The following CFAP54 variants were observed in gnomAD, a reference collection of about 807,000 sequenced individuals.
CFAP54 encodes the protein cilia- and flagella-associated protein 54.
A neutral mutation model predicts 370.4 loss-of-function variants in CFAP54; 290 were observed. The observed-to-expected ratio is 0.78, with a 90% CI of 0.71 to 0.86. The LOEUF (loss-of-function observed/expected upper bound fraction) is 0.86. Among genes scored for constraint, CFAP54 ranks in the 40% least tolerant of loss-of-function variants. The pLI is 0.00. For missense variants in CFAP54, 3,399 were observed against 3,528.7 expected (o/e 0.96, Z 0.93); for synonymous variants, 1,206 against 1,236.5 (o/e 0.98, Z 0.52).
intron 50 of CFAP54, among the ~76,000 whole-genome samples, chr12:96,726,598 C>G (rs1957841253): frequency 6.6e-6 from 1 of 151,642 alleles, no homozygotes; most frequent in African/African-American, 2.4e-5. Context: ...AGCAGTCTAT[C>G]AATTTTGTTG....
intron 29 of CFAP54, among the ~76,000 whole-genome samples, chr12:96,626,605 T>C (rs1956551906): frequency 6.6e-6 from 1 of 152,108 alleles, no homozygotes. Flanking sequence ...GAAAATAAAT[T>C]TAATATAGAC....
At chr12:96,698,657 A>G (rs368815171) in intron 45 of CFAP54, among the ~76,000 whole-genome samples, 27 of 152,152 alleles carry the variant, frequency 1.8e-4, no homozygotes, top group African/African-American at 5.8e-4. Context: ...GAAGGGAACA[A>G]TAGACGCCAG....
At position 96,592,624 on chromosome 12, in the gene CFAP54, T is replaced by C; in HGVS notation, c.3347T>C (p.Phe1116Ser). 3 of 1,176,036 alleles carry C rather than the reference T, an allele frequency of 2.6e-6. No individual in the cohort carries two copies. The highest frequency in any genetic ancestry group is 3.4e-6 in the Non-Finnish European group (3 of 881,888). 72.9% of individuals were successfully genotyped at this position (1,176,036 alleles called of 1,614,324 possible). A position where few individuals can be genotyped will look rare whatever the true frequency, so the allele number is the denominator to read the frequency against. The change falls in exon 24 of 68, where the codon TTC becomes TCC. Residue 1116 changes from phenylalanine (F) to serine (S), a missense_variant. Coordinates refer to ENST00000524981, the MANE Select transcript of CFAP54 (RefSeq NM_001306084.2). The part of the protein sequence containing the change: ...FCDNIKGNEI[F>S]PSQQIARLIE... Reference sequence around the variant, plus strand: ...GATAATATTAAAGGCAATGAGATTTTCCCATCTCAACAAGTAAGTGAATTA... The same window carrying C: ...GATAATATTAAAGGCAATGAGATTTCCCCATCTCAACAAGTAAGTGAATTA...
rs1437629455 is a variant in CFAP54, at chr12:96,860,650, G to A, written c.9172-169G>A. The stretch of plus-strand genomic sequence containing the variant: ...TGTTTAATAGGATGTAGAATGATAT[G>A]TGTGCCATTTCAGCAGTTTAGAGGT... On this transcript the variant is annotated intron_variant, in intron 66 of 67. Transcript: ENST00000524981. Among the ~76,000 whole-genome samples the A allele has an allele frequency of 2.6e-5, 4 of 152,198 alleles. No homozygotes were observed. The East Asian group carries it at 7.7e-4, about 29-fold the overall frequency.
At chr12:96,720,671 C>A in intron 50 of CFAP54, 106 bp downstream of exon 50, 1 of 897,784 alleles carries the variant, frequency 1.1e-6, no homozygotes, top group Non-Finnish European at 1.5e-6. Flanking sequence ...ATTCCTATAT[C>A]CATAGTATGC....
At chr12:96,745,130 A>C (rs1958099177) in intron 55 of CFAP54, among the ~76,000 whole-genome samples, 1 of 152,266 alleles carries the variant, frequency 6.6e-6, no homozygotes, top group East Asian at 1.9e-4. Context: ...CTCTATTGTG[A>C]ATAGTGCTGC....
rs1957312714 is a variant in CFAP54 at position 96,685,131 on chromosome 12, C to T, written c.5907C>T (p.Thr1969=). ...KEFGPSLTNV[T]NSHSPPGFKD... ...TTGGCCCCTCACTCACCAATGTCAC[C>T]AACAGTCATTCACCTCCGGGTTTCA... Residue 1969 remains threonine, a synonymous_variant, in exon 42 of 68, where the codon ACC becomes ACT. Transcript: ENST00000524981. The T allele has an allele frequency of 1.2e-6, 2 of 1,614,132 alleles. No individual in the cohort carries two copies. The highest frequency in any genetic ancestry group is 2.2e-5 in the East Asian group (1 of 44,876).
rs1433234596 is a variant in CFAP54 at position 96,519,043 on chromosome 12, A to G, written c.914A>G (p.Tyr305Cys). 22 of 1,534,906 alleles carry G rather than the reference A, an allele frequency of 1.4e-5. No individual in the cohort carries two copies. In the Admixed American group the frequency reaches 2.0e-4, roughly 14 times the overall value. ...TACACAGCTGTTTGCCAGTGCTGCT[A>G]TGACTGCCATGCCGGGATTCACGGA... ...TLYTAVCQCC[Y>C]DCHAGIHGEA... Residue 305 changes from tyrosine to cysteine, a missense_variant, in exon 6 of 68, where the codon TAT becomes TGT. This residue lies in a region of CFAP54 where 559 missense variants were observed against 576.7 expected (regional missense o/e 0.97). Transcript: ENST00000524981.
intron 5 of CFAP54, among the ~76,000 whole-genome samples, chr12:96,514,583 A>G (rs1321974509): frequency 6.6e-6 from 1 of 152,262 alleles, no homozygotes; most frequent in African/African-American, 2.4e-5. Flanking sequence ...CAGGACCATC[A>G]TAGTTTGGTC....
At chr12:96,836,339 T>G (rs1959186157) in intron 66 of CFAP54, among the ~76,000 whole-genome samples, 1 of 152,196 alleles carries the variant, frequency 6.6e-6, no homozygotes. Context: ...AGGGCCACAC[T>G]GAAATGTAAA....
chr12:96,576,465 C>G (rs954634632), intron 19 of CFAP54, 120 bp from the exon 20 acceptor site: 8 of 779,692 alleles, frequency 1.0e-5, no homozygotes, highest in African/African-American at 1.8e-5. Context: ...ATTTGAGCCT[C>G]TGAGGCTTGA....
At position 96,527,456 on chromosome 12, in the gene CFAP54, G is replaced by C; in HGVS notation, c.1357+12G>C. ...AGAACTTTTGATAAGTAAATAAGAT[G>C]TTAAGATATTGTTTTATGATAGAAT... On this transcript the variant is annotated intron_variant, in intron 9 of 67. Transcript: ENST00000524981. 1 of 1,486,950 alleles carries C rather than the reference G, an allele frequency of 6.7e-7. No homozygotes were observed. The highest frequency in any genetic ancestry group is 2.5e-5 in the East Asian group (1 of 40,112). 92.1% of individuals were successfully genotyped at this position (1,486,950 alleles called of 1,614,324 possible).
rs532473318 is a variant in CFAP54, at chr12:96,591,945, A to T, written c.3213-545A>T. Among the ~76,000 whole-genome samples the T allele has an allele frequency of 1.5e-4, 23 of 151,390 alleles. 1 individual carries two copies. In the South Asian group the frequency reaches 4.6e-3, roughly 30 times the overall value. On this transcript the variant is annotated intron_variant, in intron 23 of 67. Transcript: ENST00000524981. ...TTTTGTGGGGAATGTGAACAAGGAG[A>T]CATCAGGGATAAATGGAATTGTTAT...
chr12:96,740,894 G>A (rs1327254639), intron 51 of CFAP54, among the ~76,000 whole-genome samples: 1 of 152,180 alleles, frequency 6.6e-6, no homozygotes, highest in Non-Finnish European at 1.5e-5. Context: ...GGCCAGAGAA[G>A]TTGCTAAACT....
chr12:96,654,924 T>G (rs2136508705), intron 36 of CFAP54, among the ~76,000 whole-genome samples: 1 of 151,568 alleles, frequency 6.6e-6, no homozygotes, highest in East Asian at 2.0e-4. Flanking sequence ...GAACATAGAT[T>G]TGTCAATTCA....
At chr12:96,830,939 G>T (rs1959169149) in intron 66 of CFAP54, among the ~76,000 whole-genome samples, 1 of 152,044 alleles carries the variant, frequency 6.6e-6, no homozygotes, top group African/African-American at 2.4e-5. Context: ...GTTTCCCAAT[G>T]TGCTGGGATT....
intron 66 of CFAP54, 57 bp from the exon 67 acceptor site, chr12:96,860,762 A>G: frequency 6.9e-7 from 1 of 1,440,884 alleles, no homozygotes; most frequent in Non-Finnish European, 9.1e-7. Context: ...TATTTTGAGA[A>G]CTTTGTCAAC....
intron 67 of CFAP54, among the ~76,000 whole-genome samples, chr12:96,863,693 A>G (rs998763729): frequency 6.6e-6 from 1 of 152,224 alleles, no homozygotes; most frequent in Non-Finnish European, 1.5e-5. Flanking sequence ...GGATGCCCCA[A>G]TAATCCATGG....
At chr12:96,528,759 G>C (rs1955409776) in intron 9 of CFAP54, among the ~76,000 whole-genome samples, 1 of 151,934 alleles carries the variant, frequency 6.6e-6, no homozygotes, top group Admixed American at 6.6e-5. Flanking sequence ...CTTCCCTATT[G>C]TATGTCCATT....
Sources: allele counts gnomAD v4.1 joint callset (sites outside exome capture counted in the v4.1 genomes callset), GRCh38; gene constraint gnomAD v4.1.1; regional missense constraint gnomAD v4.1.1; transcripts MANE v1.5; gene names NCBI Gene and HGNC (gene_info 2026-07-23, HGNC 2026-07-21).